Variants in CA5A observed in about 807,000 individuals in gnomAD.
The protein encoded by CA5A is carbonic anhydrase 5A.
A neutral mutation model predicts 37.1 loss-of-function variants in CA5A; 28 were observed. The observed-to-expected ratio is 0.75, with a 90% CI of 0.56 to 1.03. CA5A has a LOEUF of 1.03. Ranked by LOEUF, CA5A falls within the 50% of genes least tolerant of loss-of-function variation. CA5A has a pLI of 0.00. For missense variants in CA5A, 444 were observed against 399.9 expected, an observed-to-expected ratio of 1.11 and a Z score of -0.94; for synonymous variants, 171 against 158.4, an observed-to-expected ratio of 1.08 and a Z score of -0.60.
rs2056054341 is a variant in CA5A, at chr16:87,911,654, G to C, written c.341-6750C>G. On this transcript the variant is annotated intron_variant, in intron 2 of 6. Coordinates refer to ENST00000649794, the MANE Select transcript of CA5A (RefSeq NM_001739.2). This position sits in a 1 kb window ranked among gnomAD's most constrained non-coding sequence, Gnocchi z 4.6. Reference sequence around the variant, plus strand: ...TGTGCCACCTCCCCAGGCAGGCAGGGGCCGCAGCCACTGCAAGCCCCTGCC... The same window carrying C: ...TGTGCCACCTCCCCAGGCAGGCAGGCGCCGCAGCCACTGCAAGCCCCTGCC... Among the ~76,000 whole-genome samples the C allele has an allele frequency of 6.6e-6, 1 of 152,114 alleles. No homozygotes were observed.
chr16:87,929,048 C>T (rs1376232180), intron 1 of CA5A, among the ~76,000 whole-genome samples: 2 of 150,666 alleles, frequency 1.3e-5, no homozygotes, highest in Non-Finnish European at 3.0e-5. Context: ...GGATTACAGG[C>T]GTGAGCCACC....
chr16:87,926,671 C>A (rs1294206665), intron 2 of CA5A, 77 bp downstream of exon 2: 22 of 1,170,094 alleles, frequency 1.9e-5, no homozygotes, highest in Non-Finnish European at 2.6e-5. Flanking sequence ...TCTCCTCCCC[C>A]TTCTCCGCGA....
At chr16:87,889,948 G>A (rs1295493798) in intron 6 of CA5A, among the ~76,000 whole-genome samples, 1 of 152,218 alleles carries the variant, frequency 6.6e-6, no homozygotes, top group African/African-American at 2.4e-5. Flanking sequence ...TGATGATGCA[G>A]CGCCCCCTAG....
intron 4 of CA5A, 144 bp from the exon 5 acceptor site, chr16:87,902,118 C>T: frequency 1.3e-6 from 1 of 741,974 alleles, no homozygotes; most frequent in African/African-American, 1.7e-5. Context: ...CTGTGGGAGG[C>T]CGAGGTGGGC....
At chr16:87,928,267 G>A (rs563479993) in intron 1 of CA5A, among the ~76,000 whole-genome samples, 4 of 152,138 alleles carry the variant, frequency 2.6e-5, no homozygotes, top group Non-Finnish European at 4.4e-5. Flanking sequence ...AGGCTGAATC[G>A]ATCCTCCCAC....
At chr16:87,904,333 C>G (rs7187243) in intron 3 of CA5A, among the ~76,000 whole-genome samples, 23,593 of 145,058 alleles carry the variant, frequency 0.16, 2,130 homozygotes, top group South Asian at 0.25. Flanking sequence ...CAGAGTGAAC[C>G]CTGTTTCAAA....
rs1412389446 is a variant in CA5A, at chr16:87,926,755, C to A, written c.333G>T (p.Glu111Asp). 2 of 1,613,224 alleles carry A rather than the reference C, an allele frequency of 1.2e-6. No individual in the cohort carries two copies. The highest frequency in any genetic ancestry group is 1.3e-5 in the African/African-American group (1 of 74,922). Residue 111 changes from glutamate to aspartate, a missense_variant, in exon 2 of 7, where the codon GAG becomes GAT. Coordinates refer to ENST00000649794, the MANE Select transcript of CA5A (RefSeq NM_001739.2). ...LFQVEFDDAT[E>D]ASGISGGPLE... ...GCCCCAGCTGGCACTCACCTGATGC[C>A]TCGGTGGCATCGTCAAATTCCACCT...
intron 2 of CA5A, chr16:87,924,260 C>A (rs993665429): frequency 4.1e-6 from 4 of 985,336 alleles, no homozygotes; most frequent in Non-Finnish European, 4.8e-6. Context: ...CGGGAAGCAT[C>A]CGCGGGGGTT....
chr16:87,886,571 G>C (rs1350835033), downstream of CA5A: 2 of 152,026 alleles, frequency 1.3e-5, no homozygotes, highest in Non-Finnish European at 2.9e-5. Flanking sequence ...TATCCCGTTG[G>C]CTCGGTGGGG....
chr16:87,881,717 G>T (rs1206086630), exon 5 of CA5A: 5 of 152,124 alleles, frequency 3.3e-5, no homozygotes, highest in African/African-American at 1.2e-4. Flanking sequence ...CGCTGCCCCT[G>T]GGGCGGGAGG....
Position 87,936,475 on chromosome 16 carries a change from A to G in CA5A, c.-25T>C. 6.2e-7 allele frequency: 1 copy of G among 1,612,778 alleles called. No individual in the cohort carries two copies. Among genetic ancestry groups the G allele is most frequent in the Non-Finnish European group, 8.5e-7 (1 of 1,179,690 alleles). The stretch of plus-strand genomic sequence containing the variant: ...TCTTGGGTCTGTTCCCACTGACTCC[A>G]GTCTGAAGAGGGTGATGTTCCCTGC... On this transcript the variant is annotated 5_prime_UTR_variant, in exon 1 of 7. Transcript: ENST00000649794.
At chr16:87,909,304 C>T (rs2056013590) in intron 2 of CA5A, among the ~76,000 whole-genome samples, 1 of 152,166 alleles carries the variant, frequency 6.6e-6, no homozygotes, top group Non-Finnish European at 1.5e-5. Context: ...CACGCCTGTA[C>T]CTGAACAAGG....
At chr16:87,930,750 TTC>T (rs1472520206) in intron 1 of CA5A, among the ~76,000 whole-genome samples, 1,739 of 143,596 alleles carry the variant, frequency 0.012, 39 homozygotes, top group African/African-American at 0.04. Context: ...TTTTTTTTTT[TTC>T]TTTTTTGAGA....
rs376081750 is a variant in CA5A at position 87,925,061 on chromosome 16, G to A, written c.340+1687C>T. 2.6e-5 allele frequency among the ~76,000 whole-genome samples: 4 copies of A among 152,322 alleles called. No individual in the cohort carries two copies. The East Asian group carries it at 7.7e-4, about 29-fold the overall frequency. On this transcript the variant is annotated intron_variant, in intron 2 of 6. Coordinates refer to ENST00000649794, the MANE Select transcript of CA5A (RefSeq NM_001739.2). ...AAAATATCAAATAAGACAAAGACCT[G>A]CCCCAGCGGAGTTACATCCTCATGG...
chr16:87,893,424 G>A, intron 5 of CA5A: 1 of 508,686 alleles, frequency 2.0e-6, no homozygotes, highest in South Asian at 1.5e-5. Flanking sequence ...ACCACGCCCG[G>A]CTTGCCTGGA....
At chr16:87,895,841 G>C (rs1191050370) in intron 5 of CA5A, among the ~76,000 whole-genome samples, 2 of 152,208 alleles carry the variant, frequency 1.3e-5, no homozygotes, top group African/African-American at 4.8e-5. Context: ...AGTTAGAGCT[G>C]TGTCCTTTCT....
At chr16:87,893,258 G>A (rs1178122098) in intron 5 of CA5A, 8 of 421,176 alleles carry the variant, frequency 1.9e-5, no homozygotes, top group Non-Finnish European at 3.0e-5. Flanking sequence ...CTCCCTAGTA[G>A]CTGGGACTAC....
rs1273295237 is a variant in CA5A at position 87,911,069 on chromosome 16, A to G, written c.341-6165T>C. ...CAGCCTAAAGTGACTTTTCATAATG[A>G]CAATACAATGTCAGGGTATTCTCCT... On this transcript the variant is annotated intron_variant, in intron 2 of 6. Transcript: ENST00000649794. This position sits in a 1 kb window ranked among gnomAD's most constrained non-coding sequence, Gnocchi z 4.6. 6.7e-6 allele frequency among the ~76,000 whole-genome samples: 1 copy of G among 150,322 alleles called. No homozygotes were observed. The highest frequency in any genetic ancestry group is 1.5e-5 in the Non-Finnish European group (1 of 67,778).
intron 2 of CA5A, among the ~76,000 whole-genome samples, chr16:87,924,883 G>A (rs2056282762): frequency 6.6e-6 from 1 of 152,258 alleles, no homozygotes; most frequent in African/African-American, 2.4e-5. Flanking sequence ...GTGGTGCTGA[G>A]TGCCGGCCTG....
Sources: gnomAD v4.1 joint callset for allele counts (sites outside exome capture counted in the v4.1 genomes callset) on GRCh38, gnomAD v4.1.1 for gene constraint, Gnocchi (gnomAD v3.1) non-coding constraint, MANE v1.5 for transcripts, NCBI Gene and HGNC (gene_info 2026-07-23, HGNC 2026-07-21) for gene names.